Variants in ETV1 observed in about 807,000 individuals in gnomAD.
ETV1 encodes ETS variant transcription factor 1, also known as ETS translocation variant 1.
Under a neutral mutation model 62.3 loss-of-function variants are expected in ETV1, and 27 were observed. The ratio of observed to expected loss-of-function variants is 0.43; its 90% CI spans 0.32 to 0.60. ETV1 has a LOEUF of 0.60. Ranked by LOEUF, ETV1 falls within the 20% of genes least tolerant of loss-of-function variation. ETV1 has a pLI of 0.06. For synonymous variants in ETV1, 222 were observed against 199.6 expected (o/e 1.11, Z -0.94); for missense variants, 605 against 605.8 (o/e 1.00, Z 0.01).
At chr7:13,975,080 G>C (rs1161044571) in intron 6 of ETV1, 2 of 152,214 alleles carry the variant, frequency 1.3e-5, no homozygotes, top group African/African-American at 4.8e-5. Flanking sequence ...CCAGTATCCA[G>C]ACATGTCTAA....
intron 13 of ETV1, among the ~76,000 whole-genome samples, chr7:13,897,497 T>C (rs1215616854): frequency 1.3e-5 from 2 of 152,188 alleles, no homozygotes; most frequent in African/African-American, 4.8e-5. Context: ...TTTGAAAGAA[T>C]GAACATTTAG....
At chr7:13,950,899 AACAC>A (rs67539493) in intron 6 of ETV1, among the ~76,000 whole-genome samples, 2,659 of 138,848 alleles carry the variant, frequency 0.019, 64 homozygotes, top group African/African-American at 0.062. Context: ...CTTCTCTAGG[AACAC>A]ACACACACAC....
chr7:13,924,466 T>C lies in ETV1; in HGVS notation c.802+7036A>G, dbSNP rs183302560. On this transcript the variant is annotated intron_variant, in intron 9 of 13. Coordinates refer to ENST00000430479, the MANE Select transcript of ETV1 (RefSeq NM_004956.5). ...AATGCATCTTCATAATTTATATCGT[T>C]GAATTGCTCTATTTTGCTACCTCAC... Among the ~76,000 whole-genome samples, 436 of 152,316 alleles carry C rather than the reference T, an allele frequency of 2.9e-3. 5 individuals carry two copies. The highest frequency in any genetic ancestry group is 0.01 in the African/African-American group (424 of 41,580).
At chr7:13,902,068 C>T (rs1683171618) in intron 12 of ETV1, among the ~76,000 whole-genome samples, 1 of 152,074 alleles carries the variant, frequency 6.6e-6, no homozygotes, top group Non-Finnish European at 1.5e-5. Flanking sequence ...CATTAATTTC[C>T]ACTTTTTATT....
intron 8 of ETV1, among the ~76,000 whole-genome samples, chr7:13,934,189 C>T (rs192177305): frequency 6.6e-6 from 1 of 152,126 alleles, no homozygotes; most frequent in Non-Finnish European, 1.5e-5. Context: ...GATGCACATA[C>T]CATTGCACTC....
In ETV1 at chr7:13,913,776, A is replaced by G. The variant is rs75827193; in HGVS notation, c.803-2469T>C. Reference sequence around the variant, plus strand: ...ATTTTGGAATATTTTTCACAAATCTATCTATTAATCTATGATATCTAAAAT... The same window carrying G: ...ATTTTGGAATATTTTTCACAAATCTGTCTATTAATCTATGATATCTAAAAT... On this transcript the variant is annotated intron_variant, in intron 9 of 13. Transcript: ENST00000430479. Among the ~76,000 whole-genome samples, 975 of 151,962 alleles carry G rather than the reference A, an allele frequency of 6.4e-3. 10 individuals are homozygous for G. Among genetic ancestry groups the G allele is most frequent in the African/African-American group, 0.022 (919 of 41,448 alleles).
At position 13,935,478 on chromosome 7, in the gene ETV1, T is replaced by C. The variant is rs1247689995; in HGVS notation, c.554+230A>G. Among the ~76,000 whole-genome samples, 4 of 152,346 alleles carry C rather than the reference T, an allele frequency of 2.6e-5. No individual in the cohort carries two copies. In the East Asian group the frequency reaches 7.7e-4, roughly 29 times the overall value. Reference sequence around the variant, plus strand: ...GCTCAAATGTCAGTAGATAGATTAATTTTCCATTTTAGCAACCAATTTAAA... The same window carrying C: ...GCTCAAATGTCAGTAGATAGATTAACTTTCCATTTTAGCAACCAATTTAAA... On this transcript the variant is annotated intron_variant, in intron 8 of 13. Transcript: ENST00000430479.
rs2074671 is a variant in ETV1, at chr7:13,906,658, A to G, written c.941-59T>C. 5.3e-3 allele frequency: 6,744 copies of G among 1,279,884 alleles called. 491 individuals carry two copies. The East Asian group carries it at 0.15, about 29-fold the overall frequency. 79.3% of individuals were successfully genotyped at this position (1,279,884 alleles called of 1,614,324 possible). Reference sequence around the variant, plus strand: ...GCAATACTATGCTATCTTACATAAAATGTACATTAAATCAATCACTAATAT... The same window carrying G: ...GCAATACTATGCTATCTTACATAAAGTGTACATTAAATCAATCACTAATAT... On this transcript the variant is annotated intron_variant, in intron 11 of 13. Coordinates refer to ENST00000430479, the MANE Select transcript of ETV1 (RefSeq NM_004956.5).
intron 6 of ETV1, among the ~76,000 whole-genome samples, chr7:13,942,180 C>G (rs182720863): frequency 6.6e-6 from 1 of 151,768 alleles, no homozygotes. Context: ...CCCGCCACCA[C>G]GCCCGGCTAA....
At chr7:13,930,621 A>G (rs938066666) in intron 9 of ETV1, among the ~76,000 whole-genome samples, 5 of 151,068 alleles carry the variant, frequency 3.3e-5, no homozygotes, top group African/African-American at 1.2e-4. Flanking sequence ...AGACTGGAAA[A>G]GATTTTAAAC....
intron 12 of ETV1, among the ~76,000 whole-genome samples, chr7:13,902,295 G>A (rs959240981): frequency 3.3e-5 from 5 of 150,824 alleles, no homozygotes; most frequent in Non-Finnish European, 5.9e-5. Flanking sequence ...TAGAAATACC[G>A]ATCCTAGCTA....
chr7:13,929,600 C>T (rs531007414), intron 9 of ETV1, among the ~76,000 whole-genome samples: 1 of 152,270 alleles, frequency 6.6e-6, no homozygotes, highest in African/African-American at 2.4e-5. Context: ...CAAGATCCAT[C>T]CTCATGCCTT....
At chr7:13,926,347 A>C (rs1785425619) in intron 9 of ETV1, among the ~76,000 whole-genome samples, 1 of 152,228 alleles carries the variant, frequency 6.6e-6, no homozygotes, top group Non-Finnish European at 1.5e-5. Context: ...AAGTAAAATA[A>C]AATGAAACAA....
intron 9 of ETV1, among the ~76,000 whole-genome samples, chr7:13,919,630 T>C (rs1421593506): frequency 6.6e-6 from 1 of 150,782 alleles, no homozygotes; most frequent in Admixed American, 6.6e-5. Context: ...ATCTATTTAA[T>C]CTGATAAAAA....
intron 6 of ETV1, among the ~76,000 whole-genome samples, chr7:13,954,145 A>T (rs73276829): frequency 0.013 from 2,046 of 152,338 alleles, 55 homozygotes; most frequent in African/African-American, 0.045. Context: ...AGTATTACTC[A>T]CTAACAACAA....
intron 6 of ETV1, among the ~76,000 whole-genome samples, chr7:13,955,059 T>C (rs1789256975): frequency 6.6e-6 from 1 of 152,230 alleles, no homozygotes; most frequent in African/African-American, 2.4e-5. Context: ...CTGGTCTCAA[T>C]TGTTACAGCT....
chr7:13,896,421 G>T (rs963813394), intron 13 of ETV1, among the ~76,000 whole-genome samples: 2 of 151,990 alleles, frequency 1.3e-5, no homozygotes, highest in African/African-American at 4.8e-5. Context: ...TTTAATGCAG[G>T]CATTTCATAT....
chr7:13,989,301 T>G lies in ETV1; in HGVS notation c.-121A>C. The G allele has an allele frequency of 2.0e-6, 1 of 490,674 alleles. No individual in the cohort carries two copies. Among genetic ancestry groups the G allele is most frequent in the Non-Finnish European group, 3.6e-6 (1 of 280,516 alleles). 30.4% of individuals were successfully genotyped at this position (490,674 alleles called of 1,614,324 possible). A position where few individuals can be genotyped will look rare whatever the true frequency, so the allele number is the denominator to read the frequency against. ...AAAGAGAGCCAACAGAGTTCACAAT[T>G]TACATATTTTCGGTAGTAGCAAAAA... On this transcript the variant is annotated 5_prime_UTR_variant, in exon 2 of 14. It removes the in-frame stop codon of an upstream open reading frame in the 5' UTR. Coordinates refer to ENST00000430479, the MANE Select transcript of ETV1 (RefSeq NM_004956.5).
chr7:13,940,381 GAAAAAAA>G (rs1054101254), intron 6 of ETV1, among the ~76,000 whole-genome samples: 1 of 142,996 alleles, frequency 7.0e-6, no homozygotes, highest in Non-Finnish European at 1.5e-5. Context: ...AGAAAAAAAA[GAAAAAAA>G]AGAAAAAAAA....
Sources: gnomAD v4.1 joint callset for allele counts (sites outside exome capture counted in the v4.1 genomes callset) on GRCh38, gnomAD v4.1.1 for gene constraint, MANE v1.5 for transcripts, NCBI Gene and HGNC (gene_info 2026-07-23, HGNC 2026-07-21) for gene names.